Variants in COBL observed in about 807,000 individuals in gnomAD.
COBL encodes the protein protein cordon-bleu.
A neutral mutation model predicts 98.8 loss-of-function variants in COBL; 51 were observed. The observed-to-expected ratio is 0.52, with a 90% CI of 0.41 to 0.65. The LOEUF (loss-of-function observed/expected upper bound fraction) is 0.65. Ranked by LOEUF, COBL falls within the 30% of genes least tolerant of loss-of-function variation. COBL has a pLI of 0.00. For missense variants in COBL, 1,617 were observed against 1,617.5 expected (o/e 1.00, Z 0.01); for synonymous variants, 634 against 651.7 (o/e 0.97, Z 0.41).
chr7:51,096,444 T>C (rs182637031), intron 6 of COBL, among the ~76,000 whole-genome samples: 1 of 152,168 alleles, frequency 6.6e-6, no homozygotes, highest in African/African-American at 2.4e-5. Flanking sequence ...CAATATGACT[T>C]TGTACCTCAG....
rs59328980 is a variant in COBL, at chr7:51,282,936, A to G, written c.41+33657T>C. Among the ~76,000 whole-genome samples, 1,443 of 152,298 alleles carry G rather than the reference A, an allele frequency of 9.5e-3. 22 individuals carry two copies. The highest frequency in any genetic ancestry group is 0.033 in the African/African-American group (1,375 of 41,568). Reference sequence around the variant, plus strand: ...TATAAACACTTGGAAATGTAATCATATATGACTACAGAATGCATGGAGAAA... The same window carrying G: ...TATAAACACTTGGAAATGTAATCATGTATGACTACAGAATGCATGGAGAAA... On this transcript the variant is annotated intron_variant, in intron 1 of 12. Transcript: ENST00000265136.
intron 1 of COBL, among the ~76,000 whole-genome samples, chr7:51,312,879 T>G (rs917304694): frequency 2.0e-5 from 3 of 152,178 alleles, no homozygotes; most frequent in Admixed American, 2.0e-4. Context: ...TTCTATCCCC[T>G]TTATAGAACC....
At chr7:51,193,683 G>T in intron 2 of COBL, 94 bp from the exon 3 acceptor site, 1 of 1,085,710 alleles carries the variant, frequency 9.2e-7, no homozygotes, top group South Asian at 1.4e-5. Flanking sequence ...ACAAGTGGAT[G>T]AATGAGCAAA....
chr7:51,143,180 T>C (rs1178846494), intron 5 of COBL, among the ~76,000 whole-genome samples: 1 of 152,152 alleles, frequency 6.6e-6, no homozygotes, highest in Non-Finnish European at 1.5e-5. Context: ...GGAAAGGATG[T>C]TCACAGGGCA....
Position 51,136,242 on chromosome 7 carries a change from C to T in COBL, c.873G>A (p.Val291=). Residue 291 remains valine, a synonymous_variant, in exon 6 of 13, where the codon GTG becomes GTA. Coordinates refer to ENST00000265136, the MANE Select transcript of COBL (RefSeq NM_015198.5). The part of the protein sequence containing the change: ...PSLSLGSISG[V]SVKSEMKKRR... Reference sequence around the variant, plus strand: ...GCTTCTTCATCTCCGACTTCACGGACACCCCTGAGATGCTGCCCAGCGAGA... The same window carrying T: ...GCTTCTTCATCTCCGACTTCACGGATACCCCTGAGATGCTGCCCAGCGAGA... 3 of 1,613,910 alleles carry T rather than the reference C, an allele frequency of 1.9e-6. No individual in the cohort carries two copies. The highest frequency in any genetic ancestry group is 2.5e-6 in the Non-Finnish European group (3 of 1,180,046).
At chr7:51,244,057 G>T (rs1478802253) in intron 1 of COBL, among the ~76,000 whole-genome samples, 2 of 152,104 alleles carry the variant, frequency 1.3e-5, no homozygotes, top group Admixed American at 6.5e-5. Context: ...CCCCATGTTG[G>T]TCCCTGCAAG....
chr7:51,278,951 C>G (rs1212933989), intron 1 of COBL, among the ~76,000 whole-genome samples: 4 of 152,256 alleles, frequency 2.6e-5, no homozygotes, highest in Admixed American at 2.6e-4. Flanking sequence ...ACAGCACCCA[C>G]GCAGCAGGCG....
chr7:51,152,876 T>C (rs1404351010), intron 5 of COBL, among the ~76,000 whole-genome samples: 1 of 152,188 alleles, frequency 6.6e-6, no homozygotes, highest in African/African-American at 2.4e-5. Flanking sequence ...GCTCCAACGG[T>C]TCAGCCCAGG....
chr7:51,054,236 C>CT (rs958819222), intron 7 of COBL, among the ~76,000 whole-genome samples: 7 of 151,438 alleles, frequency 4.6e-5, no homozygotes, highest in East Asian at 3.9e-4. Context: ...AAACTTTTCG[C>CT]TTTTTTTTTC....
At chr7:51,270,808 T>G (rs1050060876) in intron 1 of COBL, among the ~76,000 whole-genome samples, 3 of 151,832 alleles carry the variant, frequency 2.0e-5, no homozygotes, top group African/African-American at 7.3e-5. Flanking sequence ...TAAAATACAT[T>G]TTATTATTCG....
rs60451141 is a variant in COBL at position 51,170,248 on chromosome 7, TC to T, written c.783+13853del. On this transcript the variant is annotated intron_variant, in intron 5 of 12. Coordinates refer to ENST00000265136, the MANE Select transcript of COBL (RefSeq NM_015198.5). ...TCACAACTCTACTTATCAGTTTATT[TC>T]CCCCCACAAATTTGATGTGTTGACC... Among the ~76,000 whole-genome samples the T allele has an allele frequency of 8.3e-3, 1,258 of 151,892 alleles. 18 individuals are homozygous for T. The highest frequency in any genetic ancestry group is 0.028 in the African/African-American group (1,179 of 41,452).
At chr7:51,260,931 T>G (rs1030189084) in intron 1 of COBL, among the ~76,000 whole-genome samples, 1 of 152,182 alleles carries the variant, frequency 6.6e-6, no homozygotes. Context: ...GATCACATCC[T>G]GCCTTTCCCC....
chr7:51,119,898 G>C (rs934738), intron 6 of COBL, among the ~76,000 whole-genome samples: 68,987 of 151,908 alleles, frequency 0.45, 15,902 homozygotes, highest in Middle Eastern at 0.68. Flanking sequence ...AAAGTTGATT[G>C]GCAAGTCCTT....
chr7:51,083,193 C>T (rs1793853769), intron 7 of COBL: 2 of 1,465,522 alleles, frequency 1.4e-6, no homozygotes, highest in Admixed American at 2.6e-5. Flanking sequence ...CGAGCAGTGC[C>T]TCTGGGAGGC....
chr7:51,297,687 C>G (rs1227620256), intron 1 of COBL, among the ~76,000 whole-genome samples: 1 of 152,158 alleles, frequency 6.6e-6, no homozygotes, highest in African/African-American at 2.4e-5. Context: ...GCCACCATGC[C>G]TGGCCTTGAA....
chr7:51,259,429 C>A, intron 1 of COBL: 1 of 486,694 alleles, frequency 2.1e-6, no homozygotes, highest in South Asian at 2.1e-5. Flanking sequence ...TCACCTGGGT[C>A]TAGTTCAGCT....
Position 51,028,948 on chromosome 7 carries a change from C to A in COBL, c.2148G>T (p.Glu716Asp), listed in dbSNP as rs780862211. Residue 716 changes from glutamate (E) to aspartate (D), a missense_variant, in exon 10 of 13, where the codon GAG (glutamate) becomes GAT (aspartate). Around this residue, in one of 3 missense-constraint regions of COBL, gnomAD observed 1,304 missense variants for 1,282.0 expected, o/e 1.02. Coordinates refer to ENST00000265136, the MANE Select transcript of COBL (RefSeq NM_015198.5). ...TTYKIIPPKS[E>D]MRCYDRDVSL... ...ACACATCTCTGTCGTAACATCGCAT[C>A]TCTGACTTTGGAGGAATGATTTTAT... 6.2e-7 allele frequency: 1 copy of A among 1,614,224 alleles called. No individual in the cohort carries two copies. The highest frequency in any genetic ancestry group is 1.1e-5 in the South Asian group (1 of 91,086).
At position 51,081,630 on chromosome 7, in the gene COBL, G is replaced by A. The variant is rs533828280; in HGVS notation, c.1096+3536C>T. Among the ~76,000 whole-genome samples, 3 of 152,346 alleles carry A rather than the reference G, an allele frequency of 2.0e-5. No homozygotes were observed. The South Asian group carries it at 6.2e-4, about 32-fold the overall frequency. On this transcript the variant is annotated intron_variant, in intron 7 of 12. Coordinates refer to ENST00000265136, the MANE Select transcript of COBL (RefSeq NM_015198.5). Reference sequence around the variant, plus strand: ...GGAGCCCAGGAGAAAGCGAGGGTCTGCAAGTTTGCACCCAGCTCTCCCATC... The same window carrying A: ...GGAGCCCAGGAGAAAGCGAGGGTCTACAAGTTTGCACCCAGCTCTCCCATC...
chr7:51,028,648 G>T lies in COBL; in HGVS notation c.2448C>A (p.Pro816=), dbSNP rs143849688. ...CCTCATGGTGGGCAGACTTCTGCTG[G>T]GGCGATATTGGCTTGGGGTCTGCTT... ...RLQADPKPIS[P]QQKSAHHEGR... Residue 816 remains proline (P), a synonymous_variant, in exon 10 of 13, where the codon CCC becomes CCA. Coordinates refer to ENST00000265136, the MANE Select transcript of COBL (RefSeq NM_015198.5). 5 of 1,613,080 alleles carry T rather than the reference G, an allele frequency of 3.1e-6. No individual in the cohort carries two copies. Among genetic ancestry groups the T allele is most frequent in the Non-Finnish European group, 3.4e-6 (4 of 1,179,372 alleles).
Sources: gnomAD v4.1 joint callset for allele counts (sites outside exome capture counted in the v4.1 genomes callset) on GRCh38, gnomAD v4.1.1 for gene constraint, gnomAD v4.1.1 regional missense constraint, MANE v1.5 for transcripts, NCBI Gene and HGNC (gene_info 2026-07-23, HGNC 2026-07-21) for gene names.